CDYL2: variants seen among roughly 807,000 people sequenced by gnomAD.
The protein encoded by CDYL2 is chromodomain Y like 2, also known as chromodomain Y-like protein 2.
CDYL2 carries 23 observed loss-of-function variants against 49.4 expected under a neutral mutation model. That is an observed-to-expected ratio of 0.47 (90% confidence interval 0.34 to 0.66). The LOEUF is 0.66. Ranked by LOEUF, CDYL2 falls within the 30% of genes least tolerant of loss-of-function variation. The pLI, the probability that CDYL2 is intolerant of heterozygous loss-of-function variation, is 0.01. For synonymous variants in CDYL2, 360 were observed against 268.8 expected, an observed-to-expected ratio of 1.34 and a Z score of -3.32; for missense variants, 678 against 656.4, an observed-to-expected ratio of 1.03 and a Z score of -0.36.
At chr16:80,695,644 A>G (rs1407509999) in intron 1 of CDYL2, among the ~76,000 whole-genome samples, 1 of 152,196 alleles carries the variant, frequency 6.6e-6, no homozygotes, top group Non-Finnish European at 1.5e-5. Context: ...TAAAAACTGT[A>G]AAAAGCAATA....
chr16:80,643,584 T>G (rs1488525029), intron 2 of CDYL2, among the ~76,000 whole-genome samples: 3 of 152,246 alleles, frequency 2.0e-5, no homozygotes, highest in Non-Finnish European at 2.9e-5. Flanking sequence ...ATCCACGCAT[T>G]TCCATACATC....
chr16:80,769,728 C>A (rs548074655), intron 1 of CDYL2, among the ~76,000 whole-genome samples: 166 of 152,236 alleles, frequency 1.1e-3, no homozygotes, highest in African/African-American at 3.6e-3. Flanking sequence ...AAATAGCATG[C>A]CTTTATAGAG....
intron 1 of CDYL2, among the ~76,000 whole-genome samples, chr16:80,742,625 A>AATGGATGG (rs1208039921): frequency 6.9e-6 from 1 of 144,858 alleles, no homozygotes; most frequent in Admixed American, 6.8e-5. Flanking sequence ...TGAATGGATG[A>AATGGATGG]ATGGATGGAT....
Position 80,612,577 on chromosome 16 carries a change from G to A in CDYL2, c.1218+49C>T. ...ATGAAGAGCCCCTAAACCCAAGGCAGAGGAAGGATCCTGCTGGGACCCGAA... is the reference window on the plus strand; with the variant it reads ...ATGAAGAGCCCCTAAACCCAAGGCAAAGGAAGGATCCTGCTGGGACCCGAA... On this transcript the variant is annotated intron_variant, in intron 5 of 6. Transcript: ENST00000570137. This position sits in a 1 kb window ranked among gnomAD's most constrained non-coding sequence, Gnocchi z 5.0. 9.8e-6 allele frequency: 15 copies of A among 1,534,242 alleles called. No homozygotes were observed. Among genetic ancestry groups the A allele is most frequent in the Non-Finnish European group, 1.3e-5 (15 of 1,136,890 alleles).
At chr16:80,682,360 G>A (rs1464285561) in intron 2 of CDYL2, among the ~76,000 whole-genome samples, 4 of 152,140 alleles carry the variant, frequency 2.6e-5, no homozygotes, top group Non-Finnish European at 4.4e-5. Flanking sequence ...GACAATCAAC[G>A]GATCTCAACA....
At chr16:80,772,599 C>T (rs577717741) in intron 1 of CDYL2, among the ~76,000 whole-genome samples, 16 of 152,100 alleles carry the variant, frequency 1.1e-4, no homozygotes, top group Non-Finnish European at 2.2e-4. Context: ...ACTACAGGCA[C>T]GTGCCACCAC....
At chr16:80,673,601 C>T (rs1909621088) in intron 2 of CDYL2, among the ~76,000 whole-genome samples, 1 of 152,098 alleles carries the variant, frequency 6.6e-6, no homozygotes, top group Non-Finnish European at 1.5e-5. Context: ...TTAACATTTC[C>T]TTGTTACCAG....
intron 1 of CDYL2, among the ~76,000 whole-genome samples, chr16:80,697,388 C>T (rs1904280540): frequency 6.6e-6 from 1 of 151,880 alleles, no homozygotes; most frequent in African/African-American, 2.4e-5. Flanking sequence ...ATGATAAAAA[C>T]TCTCAACAAA....
chr16:80,695,906 C>T (rs73593040), intron 1 of CDYL2, among the ~76,000 whole-genome samples: 133 of 152,256 alleles, frequency 8.7e-4, no homozygotes, highest in African/African-American at 3.0e-3. Flanking sequence ...ATGAACCTAC[C>T]AGACATTTAT....
intron 1 of CDYL2, among the ~76,000 whole-genome samples, chr16:80,724,138 T>G (rs913844100): frequency 6.1e-5 from 7 of 114,004 alleles, no homozygotes; most frequent in Non-Finnish European, 7.0e-5. Context: ...AAAGAGGAGA[T>G]AAAAAAGAAG....
rs550598457 is a variant in CDYL2, at chr16:80,655,217, A to T, written c.617-21981T>A. 4.6e-5 allele frequency among the ~76,000 whole-genome samples: 7 copies of T among 152,334 alleles called. No homozygotes were observed. In the East Asian group the frequency reaches 1.4e-3, roughly 29 times the overall value. On this transcript the variant is annotated intron_variant, in intron 2 of 6. Coordinates refer to ENST00000570137, the MANE Select transcript of CDYL2 (RefSeq NM_152342.4). ...TTAGTCCATTTTACAGATAAGGAAA[A>T]GTGAGTACCTTGCTGGAAGTCACAG...
intron 1 of CDYL2, among the ~76,000 whole-genome samples, chr16:80,720,404 A>G (rs139876152): frequency 1.2e-4 from 19 of 152,332 alleles, no homozygotes; most frequent in East Asian, 9.6e-4. Context: ...GTAGTATCCA[A>G]TGACCAGGTA....
chr16:80,636,637 A>T, intron 2 of CDYL2, among the ~76,000 whole-genome samples: 1 of 152,320 alleles, frequency 6.6e-6, no homozygotes, highest in East Asian at 1.9e-4. Flanking sequence ...ATTGTGGAAG[A>T]CAGTGTGGCG....
At chr16:80,620,990 G>A (rs537351963) in intron 3 of CDYL2, 55 bp from the exon 4 acceptor site, 1 of 1,476,066 alleles carries the variant, frequency 6.8e-7, no homozygotes, top group East Asian at 2.5e-5. Context: ...GTAAGCCTGG[G>A]GCTTTCAGAC....
intron 1 of CDYL2, among the ~76,000 whole-genome samples, chr16:80,750,933 T>C (rs1489882001): frequency 6.6e-6 from 1 of 152,086 alleles, no homozygotes; most frequent in African/African-American, 2.4e-5. Context: ...GGCAGGAGAA[T>C]GGCGTGAACC....
intron 2 of CDYL2, among the ~76,000 whole-genome samples, chr16:80,660,930 A>G (rs1263600252): frequency 6.6e-6 from 1 of 152,216 alleles, no homozygotes; most frequent in Non-Finnish European, 1.5e-5. Flanking sequence ...CATTAAAGAT[A>G]CAGGGGCAGC....
chr16:80,626,847 A>G (rs1907327686), intron 3 of CDYL2, among the ~76,000 whole-genome samples: 1 of 152,228 alleles, frequency 6.6e-6, no homozygotes, highest in Non-Finnish European at 1.5e-5. Flanking sequence ...CAGGAATTGC[A>G]CCAGGAATTT....
At chr16:80,638,912 T>C (rs1907958496) in intron 2 of CDYL2, among the ~76,000 whole-genome samples, 1 of 151,696 alleles carries the variant, frequency 6.6e-6, no homozygotes, top group African/African-American at 2.4e-5. Context: ...CCTAGGGAAC[T>C]TGGGTTTGCA....
intron 1 of CDYL2, among the ~76,000 whole-genome samples, chr16:80,784,986 G>A (rs947315723): frequency 6.6e-6 from 1 of 152,146 alleles, no homozygotes; most frequent in African/African-American, 2.4e-5. Flanking sequence ...ACAAAAAAGA[G>A]TCAGTAAGTT....
Sources: gnomAD v4.1 joint callset for allele counts (sites outside exome capture counted in the v4.1 genomes callset) on GRCh38, gnomAD v4.1.1 for gene constraint, Gnocchi (gnomAD v3.1) non-coding constraint, MANE v1.5 for transcripts, NCBI Gene and HGNC (gene_info 2026-07-23, HGNC 2026-07-21) for gene names.